PARD3B: variants seen among roughly 807,000 people sequenced by gnomAD.
PARD3B encodes par-3 family cell polarity regulator beta.
PARD3B carries 103 observed loss-of-function variants against 130.2 expected under a neutral mutation model. That is an observed-to-expected ratio of 0.79 (90% CI 0.67 to 0.93). The LOEUF (loss-of-function observed/expected upper bound fraction) is 0.93, where lower values mean the gene tolerates loss of function less well. PARD3B is among the 40% of genes least tolerant of loss of function. The pLI is 0.00. For missense variants in PARD3B, 1,609 were observed against 1,499.2 expected, an observed-to-expected ratio of 1.07 and a Z score of -1.21; for synonymous variants, 583 against 553.2, an observed-to-expected ratio of 1.05 and a Z score of -0.76.
At chr2:204,911,783 C>T (rs913154872) in intron 2 of PARD3B, among the ~76,000 whole-genome samples, 3 of 152,122 alleles carry the variant, frequency 2.0e-5, no homozygotes, top group Admixed American at 6.5e-5. Flanking sequence ...TTTCATGTAA[C>T]GGTGGCTATG....
intron 11 of PARD3B, among the ~76,000 whole-genome samples, chr2:205,169,828 T>A (rs1258040353): frequency 6.6e-6 from 1 of 152,150 alleles, no homozygotes; most frequent in Non-Finnish European, 1.5e-5. Flanking sequence ...TTCAGCCCAA[T>A]GGTTCTCCTT....
At chr2:205,522,788 AC>A (rs1345085080) in intron 21 of PARD3B, among the ~76,000 whole-genome samples, 1 of 152,186 alleles carries the variant, frequency 6.6e-6, no homozygotes, top group Non-Finnish European at 1.5e-5. Flanking sequence ...AAAAGAGGAA[AC>A]CATCATATTA....
chr2:204,970,215 A>G (rs1475655741), intron 3 of PARD3B, among the ~76,000 whole-genome samples: 10 of 152,168 alleles, frequency 6.6e-5, no homozygotes, highest in Non-Finnish European at 1.5e-4. Context: ...CCATAGATCA[A>G]GGTTGGCCCA....
At chr2:205,449,396 A>AT (rs2048021621) in intron 20 of PARD3B, among the ~76,000 whole-genome samples, 1 of 151,110 alleles carries the variant, frequency 6.6e-6, no homozygotes, top group South Asian at 2.1e-4. Context: ...CGCCCAGCTA[A>AT]TTTTTTGTAT....
At chr2:205,052,440 TATATATATATAA>T (rs1237068964) in intron 4 of PARD3B, among the ~76,000 whole-genome samples, 2,422 of 35,602 alleles carry the variant, frequency 0.068, 93 homozygotes, top group African/African-American at 0.18. Flanking sequence ...TATATATATA[TATATATATATAA>T]AATTAAAAAA....
intron 2 of PARD3B, among the ~76,000 whole-genome samples, chr2:204,775,728 T>C (rs1559135674): frequency 1.3e-5 from 2 of 152,202 alleles, no homozygotes; most frequent in Non-Finnish European, 2.9e-5. Context: ...TTCTGCTTAC[T>C]TGGCTGTCTC....
intron 1 of PARD3B, among the ~76,000 whole-genome samples, chr2:204,575,218 C>T (rs895282933): frequency 2.0e-5 from 3 of 152,106 alleles, no homozygotes; most frequent in African/African-American, 7.2e-5. Flanking sequence ...TTTATGCAAA[C>T]AAACATTCAT....
At chr2:205,601,881 T>C (rs1364362909) in intron 22 of PARD3B, among the ~76,000 whole-genome samples, 2 of 152,186 alleles carry the variant, frequency 1.3e-5, no homozygotes, top group Non-Finnish European at 2.9e-5. Context: ...TTCTCTTGCC[T>C]CATTGCCCTG....
In PARD3B at chr2:205,044,626, G is replaced by A. The variant is rs574390775; in HGVS notation, c.395-2955G>A. 2.6e-5 allele frequency among the ~76,000 whole-genome samples: 4 copies of A among 152,186 alleles called. No individual in the cohort carries two copies. The East Asian group carries it at 5.8e-4, about 22-fold the overall frequency. On this transcript the variant is annotated intron_variant, in intron 3 of 22. Coordinates refer to ENST00000406610, the MANE Select transcript of PARD3B (RefSeq NM_001302769.2). ...CTTCTTTTGAGAAGTGTCTGTTCAT[G>A]TCCTTCGCCCACTTTTTGATGGGGT... is the stretch of plus-strand genomic sequence containing the variant.
At chr2:204,941,833 AGT>A (rs35713652) in intron 2 of PARD3B, among the ~76,000 whole-genome samples, 50,376 of 151,212 alleles carry the variant, frequency 0.33, 9,436 homozygotes, top group East Asian at 0.71. Context: ...CAACATTCTG[AGT>A]GTGTGTGTAT....
In PARD3B at chr2:205,124,477, G is replaced by A. The variant is rs192191740; in HGVS notation, c.1305+11G>A. On this transcript the variant is annotated intron_variant, in intron 9 of 22. Coordinates refer to ENST00000406610, the MANE Select transcript of PARD3B (RefSeq NM_001302769.2). The stretch of plus-strand genomic sequence containing the variant: ...GACAGAATTTTGGAGGTAAGAATTG[G>A]AATTAATAGTTGTATGAAAATATTT... The A allele has an allele frequency of 5.5e-5, 85 of 1,557,976 alleles. No homozygotes were observed. The East Asian group carries it at 1.9e-3, about 35-fold the overall frequency.
At chr2:205,491,887 A>G (rs1328067408) in intron 20 of PARD3B, among the ~76,000 whole-genome samples, 3 of 152,152 alleles carry the variant, frequency 2.0e-5, no homozygotes, top group African/African-American at 7.2e-5. Flanking sequence ...CCAGGTCAAA[A>G]TGCCACAGGC....
At chr2:204,979,479 T>C (rs1400731454) in intron 3 of PARD3B, among the ~76,000 whole-genome samples, 1 of 152,220 alleles carries the variant, frequency 6.6e-6, no homozygotes, top group Non-Finnish European at 1.5e-5. Flanking sequence ...GTTAATCAAC[T>C]GAATAAGAAT....
intron 15 of PARD3B, among the ~76,000 whole-genome samples, chr2:205,238,033 C>T (rs897799109): frequency 7.2e-5 from 11 of 152,114 alleles, no homozygotes. Flanking sequence ...TTGTCTCATT[C>T]ATGAGTCTAG....
chr2:205,147,088 T>G (rs2033420256), intron 10 of PARD3B, among the ~76,000 whole-genome samples: 1 of 152,238 alleles, frequency 6.6e-6, no homozygotes, highest in African/African-American at 2.4e-5. Context: ...ATCAGGTTTC[T>G]CTAATCTACT....
chr2:205,264,130 G>A (rs1037262059), intron 16 of PARD3B, among the ~76,000 whole-genome samples: 1 of 150,936 alleles, frequency 6.6e-6, no homozygotes, highest in African/African-American at 2.4e-5. Flanking sequence ...GAATCATGAA[G>A]AAGGGTCAAG....
chr2:205,362,994 A>C (rs1186521428), intron 18 of PARD3B, among the ~76,000 whole-genome samples: 1 of 152,018 alleles, frequency 6.6e-6, no homozygotes, highest in African/African-American at 2.4e-5. Flanking sequence ...TCTTCCACCA[A>C]GTGCTGCGAC....
At chr2:204,950,012 T>C (rs1689636056) in intron 2 of PARD3B, among the ~76,000 whole-genome samples, 1 of 152,164 alleles carries the variant, frequency 6.6e-6, no homozygotes, top group Admixed American at 6.5e-5. Flanking sequence ...ATAATGATAG[T>C]GATGATTACA....
chr2:205,204,295 G>A (rs1349179525), intron 15 of PARD3B, among the ~76,000 whole-genome samples: 1 of 151,942 alleles, frequency 6.6e-6, no homozygotes, highest in African/African-American at 2.4e-5. Flanking sequence ...CTTTTTGATG[G>A]GGTTGTTTTT....
Sources: gnomAD v4.1 joint callset for allele counts (sites outside exome capture counted in the v4.1 genomes callset) on GRCh38, gnomAD v4.1.1 for gene constraint, MANE v1.5 for transcripts, NCBI Gene and HGNC (gene_info 2026-07-23, HGNC 2026-07-21) for gene names.